NLRP11: variants seen among roughly 807,000 people sequenced by gnomAD.
NLRP11 encodes the protein NACHT, LRR and PYD domains-containing protein 11.
A neutral mutation model predicts 79.3 loss-of-function variants in NLRP11; 53 were observed. The observed-to-expected ratio is 0.67, with a 90% confidence interval of 0.54 to 0.84. The LOEUF (loss-of-function observed/expected upper bound fraction) is 0.84, where lower values mean the gene tolerates loss of function less well. Among genes scored for constraint, NLRP11 ranks in the 40% least tolerant of loss-of-function variants. The probability of loss-of-function intolerance (pLI) is 0.00; values close to 1 mark genes in which losing one functional copy is unlikely to be tolerated. For missense variants in NLRP11, 1,264 were observed against 1,255.0 expected (o/e 1.01, Z -0.11); for synonymous variants, 518 against 462.6 (o/e 1.12, Z -1.54).
intron 6 of NLRP11, among the ~76,000 whole-genome samples, chr19:55,793,956 G>A (rs773668569): frequency 5.9e-5 from 9 of 152,106 alleles, no homozygotes; most frequent in African/African-American, 7.2e-5. Flanking sequence ...ATTTGGTCAC[G>A]ACCATAAATT....
chr19:55,809,172 C>T lies in NLRP11; in HGVS notation c.1438G>A (p.Glu480Lys), dbSNP rs1419072442. 3.7e-6 allele frequency: 6 copies of T among 1,613,614 alleles called. No individual in the cohort carries two copies. Among genetic ancestry groups the T allele is most frequent in the Admixed American group, 1.7e-5 (1 of 59,990 alleles). The change falls in exon 3 of 10, where the codon GAG becomes AAG. Residue 480 changes from glutamate to lysine, a missense_variant. By Grantham distance (56) the Glu-to-Lys change is moderately conservative (BLOSUM62 1). Transcript: ENST00000589093. The surrounding 1 kb of genome is among the most constrained non-coding windows in gnomAD (Gnocchi z 4.5). ...AAGTCAGAGTATTGTTCTCTCTTCT[C>T]TTTATACTCTCTGCTGCCTGAGGGG...
chr19:55,817,976 T>G, exon 2 of NLRP11: 1 of 1,612,842 alleles, frequency 6.2e-7, no homozygotes, highest in Non-Finnish European at 8.5e-7. Flanking sequence ...AAGAGCATAT[T>G]CCATATATAC....
chr19:55,824,298 G>A (rs1342549600), intron 1 of NLRP11, among the ~76,000 whole-genome samples: 12 of 148,902 alleles, frequency 8.1e-5, no homozygotes, highest in African/African-American at 1.3e-4. Flanking sequence ...GGTACCAGCC[G>A]CTGCAAAATC....
At chr19:55,795,669 T>C (rs1289808360) in intron 6 of NLRP11, among the ~76,000 whole-genome samples, 1 of 152,042 alleles carries the variant, frequency 6.6e-6, no homozygotes, top group East Asian at 1.9e-4. Context: ...TTTGTATTTT[T>C]AGTAGAGACA....
Position 55,801,708 on chromosome 19 carries a change from C to A in NLRP11, c.2035G>T (p.Glu679Ter), listed in dbSNP as rs1354159856. ...CGAGCCAAAGCCTTGAGTAAGTCTT[C>A]AAAACCAGAAGCAGTCGAGACATAG... The change falls in exon 5 of 10, where the codon GAA (glutamate) becomes TAA (stop). Residue 679 changes from glutamate (E) to a stop codon, truncating the protein, a stop_gained. Coordinates refer to ENST00000589093, the Ensembl canonical transcript of NLRP11. LOFTEE classifies it high-confidence loss of function. The A allele has an allele frequency of 6.2e-7, 1 of 1,614,166 alleles. No homozygotes were observed. The highest frequency in any genetic ancestry group is 8.5e-7 in the Non-Finnish European group (1 of 1,180,008).
intron 4 of NLRP11, among the ~76,000 whole-genome samples, chr19:55,804,499 A>G (rs904131740): frequency 4.6e-5 from 7 of 151,998 alleles, no homozygotes; most frequent in East Asian, 1.9e-4. Flanking sequence ...TTAGCAAACT[A>G]TCACAGGAAC....
chr19:55,791,799 C>G (rs1258274234), intron 7 of NLRP11, among the ~76,000 whole-genome samples: 1 of 152,098 alleles, frequency 6.6e-6, no homozygotes, highest in Non-Finnish European at 1.5e-5. Flanking sequence ...CCTGGAAGTT[C>G]AATCAGAGGC....
At chr19:55,801,875 A>G (rs183962399) in intron 4 of NLRP11, 136 bp from the exon 5 acceptor site, 2 of 713,792 alleles carry the variant, frequency 2.8e-6, no homozygotes, top group East Asian at 2.7e-5. Flanking sequence ...TCTCGATCTT[A>G]AATTTCTAGT....
chr19:55,808,782 T>G (rs1297419032), exon 3 of NLRP11: 1 of 1,609,252 alleles, frequency 6.2e-7, no homozygotes, highest in Non-Finnish European at 8.5e-7. Context: ...GCAGTTGGCC[T>G]TATAAGTGGC....
At chr19:55,803,016 C>G (rs961898026) in intron 4 of NLRP11, among the ~76,000 whole-genome samples, 2 of 152,092 alleles carry the variant, frequency 1.3e-5, no homozygotes, top group Non-Finnish European at 2.9e-5. Context: ...AAAACCAACT[C>G]AAGATGGATT....
chr19:55,804,096 G>GTA (rs36090438), intron 4 of NLRP11, among the ~76,000 whole-genome samples: 1,739 of 148,014 alleles, frequency 0.012, 33 homozygotes, highest in Admixed American at 0.046. Flanking sequence ...AACAAATTAT[G>GTA]TATATATATA....
At chr19:55,821,234 CACACACACACACACA>C (rs1363411037) in intron 1 of NLRP11, among the ~76,000 whole-genome samples, 8 of 116,816 alleles carry the variant, frequency 6.8e-5, no homozygotes, top group African/African-American at 3.0e-4. Context: ...CACACACACA[CACACACACACACACA>C]CCCCAAGCAC....
intron 6 of NLRP11, among the ~76,000 whole-genome samples, chr19:55,795,730 C>A (rs768990191): frequency 6.6e-6 from 1 of 152,082 alleles, no homozygotes; most frequent in Non-Finnish European, 1.5e-5. Context: ...CCTTGTGATC[C>A]GCCTGCCTCG....
exon 3 of NLRP11, chr19:55,810,277 G>A (rs1255852828): frequency 6.2e-7 from 1 of 1,613,974 alleles, no homozygotes; most frequent in Admixed American, 1.7e-5. Context: ...TTCCAAAAGT[G>A]TGACTTTCCC....
At chr19:55,817,969 A>G (rs1323064257) in exon 2 of NLRP11, 3 of 1,613,286 alleles carry the variant, frequency 1.9e-6, no homozygotes, top group Admixed American at 3.3e-5. Context: ...TATGCTGAAG[A>G]GCATATTCCA....
At chr19:55,810,437 AG>A in intron 2 of NLRP11, 99 bp from the exon 3 acceptor site, 2 of 1,106,316 alleles carry the variant, frequency 1.8e-6, no homozygotes, top group Non-Finnish European at 2.6e-6. Context: ...GTAAAAATAT[AG>A]TAGAAATTTT....
chr19:55,796,389 A>T (rs1267263663), intron 5 of NLRP11, 139 bp from the exon 6 acceptor site: 2 of 726,550 alleles, frequency 2.8e-6, no homozygotes, highest in Non-Finnish European at 4.4e-6. Flanking sequence ...TTTGCTTCTA[A>T]CCTTTCTTCT....
intron 1 of NLRP11, among the ~76,000 whole-genome samples, chr19:55,823,208 T>A: frequency 6.9e-6 from 1 of 144,178 alleles, no homozygotes; most frequent in Non-Finnish European, 1.5e-5. Context: ...GGGTCCTGTC[T>A]GTTAGAAGGA....
chr19:55,814,932 C>T (rs1435976289), intron 2 of NLRP11, among the ~76,000 whole-genome samples: 2 of 152,158 alleles, frequency 1.3e-5, no homozygotes, highest in Non-Finnish European at 2.9e-5. Flanking sequence ...GCAAGAGTCC[C>T]CACGGATTGT....
Sources: gnomAD v4.1 joint callset for allele counts (sites outside exome capture counted in the v4.1 genomes callset) on GRCh38, gnomAD v4.1.1 for gene constraint, Gnocchi (gnomAD v3.1) non-coding constraint, MANE v1.5 for transcripts, NCBI Gene and HGNC (gene_info 2026-07-23, HGNC 2026-07-21) for gene names.